The following ROBO2 variants were observed in gnomAD, a reference collection of about 807,000 sequenced individuals.
ROBO2 encodes the protein roundabout homolog 2.
A neutral mutation model predicts 160.8 loss-of-function variants in ROBO2; 53 were observed. The ratio of observed to expected loss-of-function variants is 0.33; its 90% CI spans 0.26 to 0.41. The LOEUF is 0.41. Among genes scored for constraint, ROBO2 ranks in the 10% least tolerant of loss-of-function variants. The pLI is 1.00. For missense variants in ROBO2, 1,577 were observed against 1,722.4 expected (o/e 0.92, Z 1.49); for synonymous variants, 664 against 611.7 (o/e 1.09, Z -1.26).
At position 77,336,617 on chromosome 3, in the gene ROBO2, A is replaced by T. The variant is rs563788633; in HGVS notation, c.389-140797A>T. On this transcript the variant is annotated intron_variant, in intron 2 of 25. Coordinates refer to ENST00000461745, the Ensembl canonical transcript of ROBO2. ...GATGATTAGTGTATTGAATAATTAG[A>T]AATTTTAGTAATACATTATGAGGGA... 2.0e-5 allele frequency among the ~76,000 whole-genome samples: 3 copies of T among 152,140 alleles called. No individual in the cohort carries two copies. The South Asian group carries it at 6.2e-4, about 32-fold the overall frequency.
chr3:75,938,004 G>A (rs1306044905), intron 2 of ROBO2, among the ~76,000 whole-genome samples: 1 of 151,154 alleles, frequency 6.6e-6, no homozygotes, highest in Non-Finnish European at 1.5e-5. Context: ...AAAAGTTTTT[G>A]GATGTTTGTT....
chr3:77,138,711 A>G (rs2076472080), intron 2 of ROBO2, among the ~76,000 whole-genome samples: 1 of 152,210 alleles, frequency 6.6e-6, no homozygotes, highest in Admixed American at 6.5e-5. Flanking sequence ...CCTACAACTA[A>G]TAACAGATAT....
intron 2 of ROBO2, among the ~76,000 whole-genome samples, chr3:76,203,682 C>A (rs111886370): frequency 9.2e-6 from 1 of 109,102 alleles, no homozygotes; most frequent in Non-Finnish European, 2.0e-5. Context: ...TCACAGGTCA[C>A]GGTTCTAGTA....
At chr3:77,636,060 A>C (rs988330852) in intron 24 of ROBO2, among the ~76,000 whole-genome samples, 1 of 152,076 alleles carries the variant, frequency 6.6e-6, no homozygotes, top group African/African-American at 2.4e-5. Flanking sequence ...TCATCCCTTC[A>C]TGAGGACTCC....
At chr3:77,137,025 C>G (rs773115968) in intron 2 of ROBO2, among the ~76,000 whole-genome samples, 4 of 152,186 alleles carry the variant, frequency 2.6e-5, no homozygotes, top group Non-Finnish European at 5.9e-5. Context: ...CTCAAGCAGT[C>G]CTCCCACTTT....
intron 24 of ROBO2, among the ~76,000 whole-genome samples, chr3:77,638,812 A>G (rs911832537): frequency 9.7e-6 from 1 of 103,480 alleles, no homozygotes; most frequent in African/African-American, 3.7e-5. Context: ...TCTCCCTTTC[A>G]CCTAGCTTTT....
chr3:77,388,846 A>G (rs565865405), intron 2 of ROBO2, among the ~76,000 whole-genome samples: 1 of 152,372 alleles, frequency 6.6e-6, no homozygotes, highest in Non-Finnish European at 1.5e-5. Flanking sequence ...TCTAAAGACA[A>G]TTTTTAAATA....
At chr3:75,915,749 T>C (rs951233889) in intron 1 of ROBO2, among the ~76,000 whole-genome samples, 1 of 152,136 alleles carries the variant, frequency 6.6e-6, no homozygotes, top group Non-Finnish European at 1.5e-5. Context: ...GAGTGGGTGA[T>C]GTTGCTGAAG....
chr3:76,714,032 G>T (rs1221354568), intron 2 of ROBO2, among the ~76,000 whole-genome samples: 1 of 151,932 alleles, frequency 6.6e-6, no homozygotes. Flanking sequence ...GAAAACCGTA[G>T]TTAGTATGTT....
At chr3:76,023,334 A>C (rs2066631362) in intron 2 of ROBO2, among the ~76,000 whole-genome samples, 1 of 151,736 alleles carries the variant, frequency 6.6e-6, no homozygotes, top group South Asian at 2.1e-4. Flanking sequence ...AGCCTCTCTC[A>C]GCTTTCAACA....
intron 2 of ROBO2, among the ~76,000 whole-genome samples, chr3:76,560,604 C>T (rs916301817): frequency 8.9e-5 from 13 of 145,336 alleles, no homozygotes; most frequent in Non-Finnish European, 1.8e-4. Context: ...ACTCTGATTA[C>T]ATCTGATTTC....
intron 2 of ROBO2, among the ~76,000 whole-genome samples, chr3:76,744,510 C>T (rs113839741): frequency 7.2e-4 from 109 of 152,162 alleles, no homozygotes; most frequent in African/African-American, 2.4e-3. Context: ...CAGGCATGCA[C>T]TACCATGACC....
chr3:77,096,574 G>C (rs1183327544), intron 1 of ROBO2, among the ~76,000 whole-genome samples: 1 of 151,432 alleles, frequency 6.6e-6, no homozygotes, highest in Admixed American at 6.6e-5. Flanking sequence ...TCAGCCTCCC[G>C]AGTAGCTGGG....
rs149595276 is a variant in ROBO2 at position 76,000,511 on chromosome 3, C to T, written c.109+62909C>T. Among the ~76,000 whole-genome samples, 1,093 of 133,708 alleles carry T rather than the reference C, an allele frequency of 8.2e-3. 12 individuals are homozygous for T. Among genetic ancestry groups the T allele is most frequent in the African/African-American group, 0.028 (1,017 of 35,970 alleles). The allele number at this position is 133,708 out of a possible 152,430, so 87.7% of individuals were successfully genotyped here. The stretch of plus-strand genomic sequence containing the variant: ...CTTATTTTTTTTTTTTTTTTTTTGA[C>T]GGACTCTCACTCTGTCCCCCAGGCT... On this transcript the variant is annotated intron_variant, in intron 2 of 26. Transcript: ENST00000487694.
intron 1 of ROBO2, among the ~76,000 whole-genome samples, chr3:77,067,816 T>G (rs2067018412): frequency 6.6e-6 from 1 of 152,160 alleles, no homozygotes; most frequent in African/African-American, 2.4e-5. Context: ...GCGCCCTATA[T>G]GTACTGTTTT....
At chr3:77,167,770 G>A (rs548680707) in intron 2 of ROBO2, among the ~76,000 whole-genome samples, 1 of 152,176 alleles carries the variant, frequency 6.6e-6, no homozygotes, top group Admixed American at 6.5e-5. Context: ...TAGCCCTTGG[G>A]TCTTCTCACT....
rs113172716 is a variant in ROBO2, at chr3:76,945,643, C to G, written c.110-152371C>G. Among the ~76,000 whole-genome samples, 898 of 152,116 alleles carry G rather than the reference C, an allele frequency of 5.9e-3. 8 individuals carry two copies. Among genetic ancestry groups the G allele is most frequent in the African/African-American group, 0.02 (838 of 41,502 alleles). ...ACAATTAGTTGTTTAATACTTTTTCCTTCTGTGTTTTATTTCGAATAAATT... is the reference window on the plus strand; with the variant it reads ...ACAATTAGTTGTTTAATACTTTTTCGTTCTGTGTTTTATTTCGAATAAATT... On this transcript the variant is annotated intron_variant, in intron 2 of 26. Transcript: ENST00000487694.
In ROBO2 at chr3:76,283,153, A is replaced by ATATATATATATATATATATATAT. The variant is rs1559717396; in HGVS notation, c.109+345551_109+345552insTATATATATATATATATATATAT. ...ATAAAACTGTATATATATATATATAAAACTACATATATATAGTGACCCCTG... is the reference window on the plus strand; with the variant it reads ...ATAAAACTGTATATATATATATATAATATATATATATATATATATATATAACTACATATATATAGTGACCCCTG... On this transcript the variant is annotated intron_variant, in intron 2 of 26. Coordinates refer to the ROBO2 transcript ENST00000487694. Among the ~76,000 whole-genome samples the ATATATATATATATATATATATAT allele has an allele frequency of 4.5e-3, 54 of 12,042 alleles. 2 individuals are homozygous for ATATATATATATATATATATATAT. The highest frequency in any genetic ancestry group is 6.3e-3 in the African/African-American group (53 of 8,474). 7.9% of individuals were successfully genotyped at this position (12,042 alleles called of 152,430 possible).
chr3:76,315,431 T>C lies in ROBO2; in HGVS notation c.109+377829T>C, dbSNP rs144642481. On this transcript the variant is annotated intron_variant, in intron 2 of 26. Coordinates refer to the ROBO2 transcript ENST00000487694. ...TCCCTCTTTAGGAAGGATTAAATTGTATTATGAGCACATACTACGGTATTG... is the reference window on the plus strand; with the variant it reads ...TCCCTCTTTAGGAAGGATTAAATTGCATTATGAGCACATACTACGGTATTG... Among the ~76,000 whole-genome samples, 953 of 152,310 alleles carry C rather than the reference T, an allele frequency of 6.3e-3. 9 individuals carry two copies. The highest frequency in any genetic ancestry group is 0.018 in the African/African-American group (743 of 41,574).
Sources: gnomAD v4.1 joint callset for allele counts (sites outside exome capture counted in the v4.1 genomes callset) on GRCh38, gnomAD v4.1.1 for gene constraint, MANE v1.5 for transcripts, NCBI Gene and HGNC (gene_info 2026-07-23, HGNC 2026-07-21) for gene names.